TRPM3: variants seen among roughly 807,000 people sequenced by gnomAD.
TRPM3 encodes long transient receptor potential channel 3.
In TRPM3, 77 loss-of-function variants were observed where a neutral mutation model predicts 181.2. The observed-to-expected ratio is 0.42, with a 90% CI of 0.35 to 0.51. The LOEUF is 0.51. Ranked by LOEUF, TRPM3 falls within the 20% of genes least tolerant of loss-of-function variation. TRPM3 has a pLI of 0.01. For synonymous variants in TRPM3, 745 were observed against 796.4 expected (o/e 0.94, Z 1.09); for missense variants, 1,759 against 2,196.7 (o/e 0.80, Z 3.98).
chr9:70,792,274 G>A (rs1209996384), intron 6 of TRPM3, among the ~76,000 whole-genome samples: 1 of 152,150 alleles, frequency 6.6e-6, no homozygotes, highest in African/African-American at 2.4e-5. Context: ...TCCAGGGCAT[G>A]CATACTTGGG....
At chr9:71,419,964 C>T (rs984541963) in intron 1 of TRPM3, among the ~76,000 whole-genome samples, 1 of 151,956 alleles carries the variant, frequency 6.6e-6, no homozygotes, top group African/African-American at 2.4e-5. Flanking sequence ...TAAAATACAA[C>T]ATAACTATTC....
At chr9:71,115,163 T>C (rs2072057701) in intron 1 of TRPM3, among the ~76,000 whole-genome samples, 1 of 152,166 alleles carries the variant, frequency 6.6e-6, no homozygotes, top group African/African-American at 2.4e-5. Context: ...GATACCAGCA[T>C]CAGAGGGGCC....
chr9:71,408,142 G>A (rs1412082840), intron 1 of TRPM3, among the ~76,000 whole-genome samples: 2 of 152,178 alleles, frequency 1.3e-5, no homozygotes, highest in African/African-American at 4.8e-5. Context: ...ACAAAGATGG[G>A]GAGAAACCAG....
chr9:70,913,526 C>G (rs11142642), intron 1 of TRPM3, among the ~76,000 whole-genome samples: 48,196 of 152,066 alleles, frequency 0.32, 8,796 homozygotes, highest in Non-Finnish European at 0.39. Context: ...TCAAAACTAC[C>G]AGAGGGAAAA....
At chr9:70,607,897 A>G (rs778951967) in intron 19 of TRPM3, among the ~76,000 whole-genome samples, 18 of 152,236 alleles carry the variant, frequency 1.2e-4, no homozygotes, top group Non-Finnish European at 1.9e-4. Flanking sequence ...TTGATGTGGT[A>G]GCACAAAAGC....
At chr9:71,415,627 T>C (rs1052789659) in intron 1 of TRPM3, among the ~76,000 whole-genome samples, 7 of 152,052 alleles carry the variant, frequency 4.6e-5, no homozygotes, top group African/African-American at 1.7e-4. Flanking sequence ...TCTCAGCTGC[T>C]GTATATGACC....
intron 1 of TRPM3, among the ~76,000 whole-genome samples, chr9:71,227,983 A>G (rs1307473422): frequency 6.6e-6 from 1 of 152,208 alleles, no homozygotes; most frequent in African/African-American, 2.4e-5. Flanking sequence ...AACTCATTCT[A>G]TGAGGCCAGT....
intron 22 of TRPM3, among the ~76,000 whole-genome samples, chr9:70,572,168 T>C (rs943856995): frequency 6.6e-6 from 1 of 151,818 alleles, no homozygotes; most frequent in Non-Finnish European, 1.5e-5. Flanking sequence ...TTTAAATCTT[T>C]AGAAAAATTC....
intron 1 of TRPM3, among the ~76,000 whole-genome samples, chr9:71,063,032 T>C (rs2061500382): frequency 6.6e-6 from 1 of 152,144 alleles, no homozygotes; most frequent in African/African-American, 2.4e-5. Context: ...AATAAAATAT[T>C]GATGAGACAA....
At chr9:71,018,216 T>C (rs2097801815) in intron 1 of TRPM3, among the ~76,000 whole-genome samples, 1 of 141,608 alleles carries the variant, frequency 7.1e-6, no homozygotes, top group Non-Finnish European at 1.6e-5. Context: ...GTTGAATATA[T>C]TAGAAAAGCA....
intron 1 of TRPM3, among the ~76,000 whole-genome samples, chr9:71,374,709 G>A (rs573125396): frequency 6.6e-6 from 1 of 152,264 alleles, no homozygotes; most frequent in South Asian, 2.1e-4. Flanking sequence ...CATTGTCTCA[G>A]CCCAAAAGCT....
At chr9:70,627,189 G>A (rs1159011641) in intron 12 of TRPM3, among the ~76,000 whole-genome samples, 1 of 151,560 alleles carries the variant, frequency 6.6e-6, no homozygotes, top group Non-Finnish European at 1.5e-5. Context: ...GGAATTCAGT[G>A]GCTATCCTCA....
chr9:71,332,004 GTTATTGTACAGCTATAGTATTCATAAAA>G (rs1172938758), intron 1 of TRPM3, among the ~76,000 whole-genome samples: 2 of 149,060 alleles, frequency 1.3e-5, no homozygotes, highest in Non-Finnish European at 3.0e-5. Flanking sequence ...ATTTACACAG[GTTATTGTACAGCTATAGTATTCATAAAA>G]TAAACTTTCT....
chr9:71,388,038 T>C (rs2092968702), intron 1 of TRPM3, among the ~76,000 whole-genome samples: 1 of 152,198 alleles, frequency 6.6e-6, no homozygotes, highest in Non-Finnish European at 1.5e-5. Context: ...TTTTCCTATC[T>C]TCAAAATAAC....
At chr9:70,788,120 T>C (rs2084350725) in intron 6 of TRPM3, among the ~76,000 whole-genome samples, 1 of 147,548 alleles carries the variant, frequency 6.8e-6, no homozygotes, top group African/African-American at 2.5e-5. Flanking sequence ...CACTAACTCG[T>C]CATCTAGCAT....
At chr9:70,982,802 G>A (rs895426546) in intron 1 of TRPM3, among the ~76,000 whole-genome samples, 1 of 152,186 alleles carries the variant, frequency 6.6e-6, no homozygotes, top group African/African-American at 2.4e-5. Flanking sequence ...CCAGCTTCAA[G>A]TGGTTCTTGT....
intron 1 of TRPM3, among the ~76,000 whole-genome samples, chr9:70,905,656 C>T (rs763508934): frequency 3.3e-5 from 5 of 152,062 alleles, no homozygotes; most frequent in Non-Finnish European, 7.4e-5. Context: ...AACCTTTTGT[C>T]ATCTCTATAA....
intron 8 of TRPM3, among the ~76,000 whole-genome samples, chr9:70,691,763 A>C (rs1180011781): frequency 6.6e-6 from 1 of 152,218 alleles, no homozygotes; most frequent in Non-Finnish European, 1.5e-5. Context: ...AATTATAGAA[A>C]GTTTAGAAAA....
intron 1 of TRPM3, among the ~76,000 whole-genome samples, chr9:70,988,329 T>G (rs1374347428): frequency 2.0e-5 from 3 of 152,210 alleles, no homozygotes; most frequent in African/African-American, 7.2e-5. Flanking sequence ...TCTTGCCTGG[T>G]TGTTTTCTAG....
Sources: allele counts gnomAD v4.1 joint callset (sites outside exome capture counted in the v4.1 genomes callset), GRCh38; gene constraint gnomAD v4.1.1; transcripts MANE v1.5; gene names NCBI Gene and HGNC (gene_info 2026-07-23, HGNC 2026-07-21).